OSBPL3: variants seen among roughly 807,000 people sequenced by gnomAD.
OSBPL3 encodes the protein oxysterol binding protein like 3, also known as oxysterol-binding protein-related protein 3.
A neutral mutation model predicts 120.1 loss-of-function variants in OSBPL3; 65 were observed. The ratio of observed to expected loss-of-function variants is 0.54; its 90% CI spans 0.44 to 0.67. OSBPL3 has a LOEUF of 0.67. Among genes scored for constraint, OSBPL3 ranks in the 30% least tolerant of loss-of-function variants. OSBPL3 has a pLI of 0.00. For synonymous variants in OSBPL3, 416 were observed against 402.6 expected (o/e 1.03, Z -0.40); for missense variants, 1,004 against 1,082.1 (o/e 0.93, Z 1.01).
intron 12 of OSBPL3, among the ~76,000 whole-genome samples, chr7:24,845,313 G>T (rs1798270424): frequency 7.0e-6 from 1 of 143,178 alleles, no homozygotes; most frequent in Non-Finnish European, 1.5e-5. Context: ...GAGGCTGGAT[G>T]AAGGCTGCAT....
Position 24,900,849 on chromosome 7 carries a change from T to C in OSBPL3, c.-149-8228A>G, listed in dbSNP as rs915909611. On this transcript the variant is annotated intron_variant, in intron 1 of 22. Coordinates refer to ENST00000313367, the MANE Select transcript of OSBPL3 (RefSeq NM_015550.4). The surrounding 1 kb of genome is among the most constrained non-coding windows in gnomAD (Gnocchi z 4.5). ...GTGAAAGTAAGTGCGGATTTTGCCA[T>C]TGGCACGAACCTAATACAAAAATTA... Among the ~76,000 whole-genome samples, 2 of 152,062 alleles carry C rather than the reference T, an allele frequency of 1.3e-5. No individual in the cohort carries two copies. The highest frequency in any genetic ancestry group is 1.9e-4 in the East Asian group (1 of 5,196).
chr7:24,941,949 C>T (rs1460499131), intron 1 of OSBPL3, among the ~76,000 whole-genome samples: 2 of 152,182 alleles, frequency 1.3e-5, no homozygotes, highest in African/African-American at 4.8e-5. Flanking sequence ...TGTATAGTTA[C>T]CAGTATCCAC....
intron 12 of OSBPL3, among the ~76,000 whole-genome samples, chr7:24,845,384 TAAAAA>T (rs34559902): frequency 1.8e-4 from 11 of 62,260 alleles, no homozygotes; most frequent in Non-Finnish European, 2.5e-4. Flanking sequence ...GCAAAATAAG[TAAAAA>T]AAAAAAAAAA....
At chr7:24,980,647 A>G (rs1201346528), upstream of OSBPL3, among the ~76,000 whole-genome samples, 1 of 151,928 alleles carries the variant, frequency 6.6e-6, no homozygotes, top group African/African-American at 2.4e-5. Flanking sequence ...AGAAAGTCAG[A>G]CTGTGGCAGA....
chr7:24,957,873 T>C (rs73691283), intron 1 of OSBPL3, among the ~76,000 whole-genome samples: 9 of 152,290 alleles, frequency 5.9e-5, no homozygotes, highest in African/African-American at 2.2e-4. Context: ...CATTTCCCAG[T>C]TTTTGCATAA....
At chr7:24,810,016 G>GA (rs1193883371) in intron 19 of OSBPL3, 65 bp from the exon 20 acceptor site, 3 of 1,554,070 alleles carry the variant, frequency 1.9e-6, no homozygotes, top group Non-Finnish European at 2.6e-6. Context: ...ATTAAGGAAA[G>GA]AAAAAAGGAA....
chr7:24,830,700 T>C lies in OSBPL3; in HGVS notation c.1884+68A>G, dbSNP rs1796258354. On this transcript the variant is annotated intron_variant, in intron 16 of 22. Coordinates refer to ENST00000313367, the MANE Select transcript of OSBPL3 (RefSeq NM_015550.4). This position sits in a 1 kb window ranked among gnomAD's most constrained non-coding sequence, Gnocchi z 4.4. Reference sequence around the variant, plus strand: ...CCAGTGAAAGGTGGAAGATAAATATTTCAGAAGCACATTTAATGGGAGACA... The same window carrying C: ...CCAGTGAAAGGTGGAAGATAAATATCTCAGAAGCACATTTAATGGGAGACA... 2 of 1,417,268 alleles carry C rather than the reference T, an allele frequency of 1.4e-6. No homozygotes were observed. Among genetic ancestry groups the C allele is most frequent in the Middle Eastern group, 1.8e-4 (1 of 5,474 alleles). 87.8% of individuals were successfully genotyped at this position (1,417,268 alleles called of 1,614,324 possible). A position where few individuals can be genotyped will look rare whatever the true frequency, so the allele number is the denominator to read the frequency against.
chr7:24,926,122 C>T (rs1189768817), intron 1 of OSBPL3, among the ~76,000 whole-genome samples: 1 of 152,148 alleles, frequency 6.6e-6, no homozygotes, highest in South Asian at 2.1e-4. Context: ...AGAACAATTA[C>T]CCCTCAGGTG....
At chr7:24,845,695 T>G (rs1295550748) in intron 12 of OSBPL3, among the ~76,000 whole-genome samples, 3 of 152,096 alleles carry the variant, frequency 2.0e-5, no homozygotes, top group Non-Finnish European at 4.4e-5. Flanking sequence ...ACATTCCTTT[T>G]GCAATTTTTT....
At position 24,804,353 on chromosome 7, in the gene OSBPL3, T is replaced by A; in HGVS notation, c.2529A>T (p.Leu843Phe). Reference protein sequence around the residue: ...EQLQRERRRVLEENHVEHQPR... With the variant: ...EQLQRERRRVFEENHVEHQPR... ...GCTGGTGCTCCACATGATTTTCTTCTAAGACCCGCCGCCTTTCTCTCTGCA... is the reference window on the plus strand; with the variant it reads ...GCTGGTGCTCCACATGATTTTCTTCAAAGACCCGCCGCCTTTCTCTCTGCA... Residue 843 changes from leucine (L) to phenylalanine (F), a missense_variant, in exon 22 of 23, where the codon TTA (leucine) becomes TTT (phenylalanine). Leu to Phe is a conservative substitution (Grantham distance 22). This residue lies in a region of OSBPL3 where 473 missense variants were observed against 568.0 expected (regional missense o/e 0.83). Coordinates refer to ENST00000313367, the MANE Select transcript of OSBPL3 (RefSeq NM_015550.4). This position sits in a 1 kb window ranked among gnomAD's most constrained non-coding sequence, Gnocchi z 5.4. The A allele has an allele frequency of 6.2e-7, 1 of 1,614,178 alleles. No individual in the cohort carries two copies. Among genetic ancestry groups the A allele is most frequent in the Non-Finnish European group, 8.5e-7 (1 of 1,180,026 alleles).
intron 6 of OSBPL3, 67 bp downstream of exon 6, chr7:24,866,003 C>T: frequency 7.5e-7 from 1 of 1,342,136 alleles, no homozygotes; most frequent in Non-Finnish European, 1.1e-6. Flanking sequence ...ACTCAGCTCC[C>T]AAGACAGGAC....
In OSBPL3 at chr7:24,831,008, A is replaced by C. The variant is rs1796302168; in HGVS notation, c.1747-103T>G. On this transcript the variant is annotated intron_variant, in intron 15 of 22. Transcript: ENST00000313367. The surrounding 1 kb of genome is among the most constrained non-coding windows in gnomAD (Gnocchi z 4.0). ...AAACCTCTATGATTTTCTTTCAGAA[A>C]GCCAAAGATTTGTCTTTGGTTGTTT... The C allele has an allele frequency of 9.3e-6, 11 of 1,185,316 alleles. No homozygotes were observed. In the South Asian group the frequency reaches 1.5e-4, roughly 16 times the overall value. 73.4% of individuals were successfully genotyped at this position (1,185,316 alleles called of 1,614,324 possible).
chr7:24,866,117 T>C lies in OSBPL3; in HGVS notation c.502A>G (p.Ile168Val), dbSNP rs755266269. The C allele has an allele frequency of 8.7e-6, 14 of 1,613,770 alleles. No homozygotes were observed. Among genetic ancestry groups the C allele is most frequent in the Non-Finnish European group, 1.2e-5 (14 of 1,179,726 alleles). ...AACACCCCAGATGAAGAGTCTGTGA[T>C]GGTGGACCCTGAGAAAAAGTGGTTA... is the stretch of plus-strand genomic sequence containing the variant. ...EVNHFFSGST[I>V]TDSSSGVFDS... The change falls in exon 6 of 23, where the codon ATC (isoleucine) becomes GTC (valine). Residue 168 changes from isoleucine to valine, a missense_variant. Ile to Val is a conservative substitution (Grantham distance 29). Around this residue, in one of 4 missense-constraint regions of OSBPL3, gnomAD observed 255 missense variants for 248.7 expected, o/e 1.03. Coordinates refer to ENST00000313367, the MANE Select transcript of OSBPL3 (RefSeq NM_015550.4).
rs1812871661 is a variant in OSBPL3 at position 24,939,825 on chromosome 7, A to G, written c.-150+40061T>C. Among the ~76,000 whole-genome samples the G allele has an allele frequency of 6.6e-6, 1 of 152,140 alleles. No homozygotes were observed. Among genetic ancestry groups the G allele is most frequent in the Non-Finnish European group, 1.5e-5 (1 of 68,020 alleles). The stretch of plus-strand genomic sequence containing the variant: ...AAAAAATCAGTAACAGGGGGCTATA[A>G]CTAAAGTTAGGAGGGTGGGAGGAAA... On this transcript the variant is annotated intron_variant, in intron 1 of 22. Coordinates refer to ENST00000313367, the MANE Select transcript of OSBPL3 (RefSeq NM_015550.4). This position sits in a 1 kb window ranked among gnomAD's most constrained non-coding sequence, Gnocchi z 4.2.
intron 12 of OSBPL3, among the ~76,000 whole-genome samples, chr7:24,846,936 G>A (rs1377826393): frequency 1.3e-5 from 2 of 151,926 alleles, no homozygotes; most frequent in Non-Finnish European, 2.9e-5. Context: ...GGTGGCAGGC[G>A]CCTGTAGCCC....
rs1446228954 is a variant in OSBPL3 at position 24,899,711 on chromosome 7, CTGCATACAAA to C, written c.-149-7100_-149-7091del. Among the ~76,000 whole-genome samples the C allele has an allele frequency of 9.2e-5, 14 of 152,226 alleles. No individual in the cohort carries two copies. Among genetic ancestry groups the C allele is most frequent in the African/African-American group, 3.4e-4 (14 of 41,456 alleles). On this transcript the variant is annotated intron_variant, in intron 1 of 22. Transcript: ENST00000313367. The surrounding 1 kb of genome is among the most constrained non-coding windows in gnomAD (Gnocchi z 4.0). ...TTAATTTGTCTGTTAATTAGCATTT[CTGCATACAAA>C]TGCATACAACCCACTATAAATGCCC...
chr7:24,845,054 T>C (rs1160650148), intron 12 of OSBPL3, among the ~76,000 whole-genome samples: 1 of 152,140 alleles, frequency 6.6e-6, no homozygotes, highest in African/African-American at 2.4e-5. Context: ...TGTAAATATG[T>C]CTTTGCTTGT....
chr7:24,939,793 A>G lies in OSBPL3; in HGVS notation c.-150+40093T>C, dbSNP rs1344383144. ...GGAATGACCCAGTTCAGTCACTGAG[A>G]AGGGGGAAAAAATCAGTAACAGGGG... On this transcript the variant is annotated intron_variant, in intron 1 of 22. Transcript: ENST00000313367. The surrounding 1 kb of genome is among the most constrained non-coding windows in gnomAD (Gnocchi z 4.2). Among the ~76,000 whole-genome samples, 1 of 152,112 alleles carries G rather than the reference A, an allele frequency of 6.6e-6. No individual in the cohort carries two copies. Among genetic ancestry groups the G allele is most frequent in the Non-Finnish European group, 1.5e-5 (1 of 68,018 alleles).
In OSBPL3 at chr7:24,899,464, C is replaced by CTAT. The variant is rs1562902627; in HGVS notation, c.-149-6846_-149-6844dup. Among the ~76,000 whole-genome samples the CTAT allele has an allele frequency of 6.6e-6, 1 of 152,096 alleles. No individual in the cohort carries two copies. Among genetic ancestry groups the CTAT allele is most frequent in the African/African-American group, 2.4e-5 (1 of 41,414 alleles). On this transcript the variant is annotated intron_variant, in intron 1 of 22. Transcript: ENST00000313367. This position sits in a 1 kb window ranked among gnomAD's most constrained non-coding sequence, Gnocchi z 4.0. Reference sequence around the variant, plus strand: ...AACTAAAATTCAGGACTTGACTGTTCTATTATTATTACCATCATTATAATC... The same window carrying CTAT: ...AACTAAAATTCAGGACTTGACTGTTCTATTATTATTATTACCATCATTATAATC...
Sources: allele counts gnomAD v4.1 joint callset (sites outside exome capture counted in the v4.1 genomes callset), GRCh38; gene constraint gnomAD v4.1.1; regional missense constraint gnomAD v4.1.1; non-coding constraint Gnocchi (gnomAD v3.1); transcripts MANE v1.5; gene names NCBI Gene and HGNC (gene_info 2026-07-23, HGNC 2026-07-21).